ADGRG7: variants seen among roughly 807,000 people sequenced by gnomAD.
ADGRG7 encodes adhesion G protein-coupled receptor G7, also known as G-protein coupled receptor 128.
Under a neutral mutation model 88.6 loss-of-function variants are expected in ADGRG7, and 82 were observed. The ratio of observed to expected loss-of-function variants is 0.93; its 90% CI spans 0.77 to 1.11. ADGRG7 has a LOEUF of 1.11. ADGRG7 is among the 50% of genes most tolerant of loss of function. The pLI is 0.00. For missense variants in ADGRG7, 945 were observed against 953.4 expected, an observed-to-expected ratio of 0.99 and a Z score of 0.12; for synonymous variants, 381 against 345.2, an observed-to-expected ratio of 1.10 and a Z score of -1.15.
At chr3:100,623,317 T>C (rs534513758) in intron 1 of ADGRG7, among the ~76,000 whole-genome samples, 3 of 152,268 alleles carry the variant, frequency 2.0e-5, no homozygotes, top group Admixed American at 6.5e-5. Flanking sequence ...CACCATTTGT[T>C]GAAAAAACTT....
chr3:100,673,074 T>C (rs2094960696), intron 15 of ADGRG7, among the ~76,000 whole-genome samples: 1 of 152,200 alleles, frequency 6.6e-6, no homozygotes, highest in Non-Finnish European at 1.5e-5. Context: ...GTTGGCCTCC[T>C]AAAATGAGTT....
rs113199078 is a variant in ADGRG7 at position 100,655,415 on chromosome 3, A to G, written c.1726+234A>G. Among the ~76,000 whole-genome samples, 1,311 of 152,330 alleles carry G rather than the reference A, an allele frequency of 8.6e-3. 14 individuals carry two copies. Among genetic ancestry groups the G allele is most frequent in the African/African-American group, 0.019 (782 of 41,576 alleles). On this transcript the variant is annotated intron_variant, in intron 12 of 15. Coordinates refer to ENST00000273352, the MANE Select transcript of ADGRG7 (RefSeq NM_032787.3). ...GTAAACTAACTTAACTAACTTAAAA[A>G]TGTTAATTTCCTTTAACATCTCTTT...
chr3:100,631,968 ACT>A (rs1328517771), intron 3 of ADGRG7, among the ~76,000 whole-genome samples: 1 of 152,094 alleles, frequency 6.6e-6, no homozygotes, highest in Non-Finnish European at 1.5e-5. Context: ...TGAATTTTTT[ACT>A]CACAGCGTAA....
At chr3:100,673,624 G>A (rs1183528661) in intron 15 of ADGRG7, among the ~76,000 whole-genome samples, 6 of 151,928 alleles carry the variant, frequency 3.9e-5, no homozygotes, top group Admixed American at 1.3e-4. Context: ...ACCATGCCTG[G>A]CTAATTTTTG....
chr3:100,614,256 T>C (rs1707196174), intron 1 of ADGRG7, among the ~76,000 whole-genome samples: 1 of 152,216 alleles, frequency 6.6e-6, no homozygotes, highest in South Asian at 2.1e-4. Context: ...TTAAGTTCAA[T>C]TGACTAGCTC....
chr3:100,635,522 A>G lies in ADGRG7; in HGVS notation c.448-155A>G, dbSNP rs1707523970. On this transcript the variant is annotated intron_variant, in intron 4 of 15. Coordinates refer to ENST00000273352, the MANE Select transcript of ADGRG7 (RefSeq NM_032787.3). ...CTGGTCTGCATGTACTTTGTCCTTT[A>G]CACAAGGAAGGATGCAAACGTGGAA... is the stretch of plus-strand genomic sequence containing the variant. The G allele has an allele frequency of 2.8e-6, 4 of 1,435,642 alleles. 1 individual carries two copies. In the South Asian group the frequency reaches 6.2e-5, roughly 22 times the overall value. The allele number at this position is 1,435,642 out of a possible 1,614,324, so 88.9% of individuals were successfully genotyped here.
intron 1 of ADGRG7, among the ~76,000 whole-genome samples, chr3:100,624,683 T>C (rs1707359712): frequency 6.6e-6 from 1 of 152,200 alleles, no homozygotes; most frequent in South Asian, 2.1e-4. Context: ...TACATTAAAG[T>C]CTTTAATCCA....
chr3:100,689,325 T>G (rs2094988985), intron 15 of ADGRG7, among the ~76,000 whole-genome samples: 1 of 152,210 alleles, frequency 6.6e-6, no homozygotes, highest in Non-Finnish European at 1.5e-5. Context: ...TCTTGACTCT[T>G]TATCCAATTT....
chr3:100,611,550 G>T (rs1019251166), intron 1 of ADGRG7, among the ~76,000 whole-genome samples: 1 of 152,006 alleles, frequency 6.6e-6, no homozygotes, highest in Admixed American at 6.6e-5. Flanking sequence ...ATATATTCCC[G>T]AACTTTCTGA....
intron 1 of ADGRG7, among the ~76,000 whole-genome samples, chr3:100,627,078 T>G (rs1707389403): frequency 6.6e-6 from 1 of 152,216 alleles, no homozygotes; most frequent in Non-Finnish European, 1.5e-5. Context: ...TCCTGCGTAT[T>G]GCACTGCTAG....
At chr3:100,665,467 A>T (rs1275490952) in intron 14 of ADGRG7, 6 of 531,648 alleles carry the variant, frequency 1.1e-5, no homozygotes, top group Admixed American at 7.8e-5. Flanking sequence ...ACCACCAAAG[A>T]CTCACTCATT....
intron 1 of ADGRG7, among the ~76,000 whole-genome samples, chr3:100,626,509 A>G (rs1201904981): frequency 6.6e-6 from 1 of 152,114 alleles, no homozygotes; most frequent in Non-Finnish European, 1.5e-5. Flanking sequence ...GAACGGGGTC[A>G]GGCATGGTGG....
At chr3:100,671,725 T>G (rs1197300298) in intron 15 of ADGRG7, among the ~76,000 whole-genome samples, 3 of 152,220 alleles carry the variant, frequency 2.0e-5, no homozygotes, top group Non-Finnish European at 2.9e-5. Context: ...TTGAGTTAAT[T>G]TTTTGTATAA....
intron 1 of ADGRG7, among the ~76,000 whole-genome samples, chr3:100,621,046 G>T (rs1310517507): frequency 6.6e-6 from 1 of 151,766 alleles, no homozygotes; most frequent in Non-Finnish European, 1.5e-5. Flanking sequence ...TTGTTTTTGG[G>T]TGCCGTGAAC....
At chr3:100,622,264 A>ATTTTTTT (rs57699713) in intron 1 of ADGRG7, among the ~76,000 whole-genome samples, 25 of 130,906 alleles carry the variant, frequency 1.9e-4, no homozygotes, top group African/African-American at 6.4e-4. Flanking sequence ...CTCTATATTC[A>ATTTTTTT]TTTTTTTTTT....
At position 100,648,221 on chromosome 3, in the gene ADGRG7, T is replaced by C. The variant is rs530183949; in HGVS notation, c.1267-1474T>C. Among the ~76,000 whole-genome samples the C allele has an allele frequency of 2.0e-5, 3 of 152,334 alleles. No homozygotes were observed. In the South Asian group the frequency reaches 6.2e-4, roughly 32 times the overall value. ...AGGTTAGGCTTTCAGCTATTTTTTC[T>C]CATTAGTATCTGACTGTCTCAATGT... On this transcript the variant is annotated intron_variant, in intron 10 of 15. Coordinates refer to ENST00000273352, the MANE Select transcript of ADGRG7 (RefSeq NM_032787.3).
chr3:100,633,500 A>G (rs973410373), intron 4 of ADGRG7, 123 bp downstream of exon 4: 1 of 459,834 alleles, frequency 2.2e-6, no homozygotes, highest in Non-Finnish European at 3.8e-6. Flanking sequence ...AATAACAAAA[A>G]CTAGTGACTA....
Position 100,647,988 on chromosome 3 carries a change from G to T in ADGRG7, c.1266+1264G>T, listed in dbSNP as rs79193783. On this transcript the variant is annotated intron_variant, in intron 10 of 15. Transcript: ENST00000273352. ...TAGTTTTCTCATTTTAATTATAAAA[G>T]CTCTCTTATTCAAATTCATTTGGAT... is the stretch of plus-strand genomic sequence containing the variant. 6.2e-3 allele frequency among the ~76,000 whole-genome samples: 943 copies of T among 152,226 alleles called. 12 individuals carry two copies. Among genetic ancestry groups the T allele is most frequent in the African/African-American group, 0.021 (887 of 41,548 alleles).
In ADGRG7 at chr3:100,646,661, C is replaced by T. The variant is rs756049432; in HGVS notation, c.1203C>T (p.Asp401=). ...KDWDTYGCQK[D]KGTDGFLRCR... ...GGGACACATATGGCTGTCAAAAAGA[C>T]AAGGGCACTGATGGATTCCTGCGCT... Residue 401 remains aspartate (D), a synonymous_variant, in exon 10 of 16, where the codon GAC becomes GAT. Transcript: ENST00000273352. The T allele has an allele frequency of 7.4e-6, 12 of 1,614,054 alleles. No homozygotes were observed. In the African/African-American group the frequency reaches 1.6e-4, roughly 22 times the overall value.
Sources: gnomAD v4.1 joint callset for allele counts (sites outside exome capture counted in the v4.1 genomes callset) on GRCh38, gnomAD v4.1.1 for gene constraint, MANE v1.5 for transcripts, NCBI Gene and HGNC (gene_info 2026-07-23, HGNC 2026-07-21) for gene names.